Variants in PALLD observed in about 807,000 individuals in gnomAD.
The protein encoded by PALLD is palladin.
A neutral mutation model predicts 123.5 loss-of-function variants in PALLD; 61 were observed. The observed-to-expected ratio is 0.49, with a 90% confidence interval of 0.40 to 0.61. PALLD has a LOEUF of 0.61. PALLD is among the 20% of genes least tolerant of loss of function. The pLI is 0.00. For synonymous variants in PALLD, 465 were observed against 496.4 expected (o/e 0.94, Z 0.84); for missense variants, 1,273 against 1,377.0 (o/e 0.92, Z 1.20).
intron 2 of PALLD, among the ~76,000 whole-genome samples, chr4:168,604,023 A>G (rs1463441941): frequency 2.0e-5 from 3 of 152,230 alleles, no homozygotes; most frequent in Non-Finnish European, 1.5e-5. Context: ...TCTGGAAAAA[A>G]CTATTCTACA....
chr4:168,550,139 C>T (rs1159936722), intron 2 of PALLD, among the ~76,000 whole-genome samples: 1 of 152,170 alleles, frequency 6.6e-6, no homozygotes, highest in Non-Finnish European at 1.5e-5. Context: ...TCAGCAAATA[C>T]TTAGGATAAC....
At chr4:168,561,725 C>G (rs1767887952) in intron 2 of PALLD, among the ~76,000 whole-genome samples, 1 of 151,956 alleles carries the variant, frequency 6.6e-6, no homozygotes, top group African/African-American at 2.4e-5. Context: ...TTTTTCTAAC[C>G]CTTTAAAGAG....
intron 10 of PALLD, among the ~76,000 whole-genome samples, chr4:168,822,290 G>T (rs1231137216): frequency 6.6e-6 from 1 of 151,848 alleles, no homozygotes; most frequent in Non-Finnish European, 1.5e-5. Context: ...GGAGGGGGTG[G>T]GGTGGGGAGG....
chr4:168,694,562 C>G (rs1159677022), intron 8 of PALLD, among the ~76,000 whole-genome samples: 1 of 151,936 alleles, frequency 6.6e-6, no homozygotes, highest in Non-Finnish European at 1.5e-5. Flanking sequence ...CTTCTCTTTA[C>G]TCTCTTCCTT....
At chr4:168,508,797 C>T (rs1762262085) in intron 1 of PALLD, among the ~76,000 whole-genome samples, 1 of 151,964 alleles carries the variant, frequency 6.6e-6, no homozygotes, top group Non-Finnish European at 1.5e-5. Context: ...CCCTCTCCAC[C>T]TTCATGTCTC....
intron 17 of PALLD, among the ~76,000 whole-genome samples, chr4:168,918,068 A>G (rs1196704816): frequency 6.6e-6 from 1 of 151,952 alleles, no homozygotes; most frequent in African/African-American, 2.4e-5. Flanking sequence ...GTGTGGTGGC[A>G]TGCATCTGTA....
intron 1 of PALLD, among the ~76,000 whole-genome samples, chr4:168,498,674 A>T (rs1761012214): frequency 6.6e-6 from 1 of 152,210 alleles, no homozygotes; most frequent in Admixed American, 6.5e-5. Context: ...AGCAAAGAAA[A>T]CAAAGATTGA....
chr4:168,683,198 C>A, intron 5 of PALLD, 95 bp downstream of exon 5: 1 of 656,258 alleles, frequency 1.5e-6, no homozygotes, highest in Non-Finnish European at 2.7e-6. Context: ...CTAGTATACT[C>A]CCTTGAAATA....
At chr4:168,692,064 AAAAC>A (rs754812932) in intron 8 of PALLD, among the ~76,000 whole-genome samples, 7 of 152,180 alleles carry the variant, frequency 4.6e-5, no homozygotes, top group Non-Finnish European at 1.0e-4. Context: ...AAAGGGTAGA[AAAAC>A]AAGTCATTTT....
At chr4:168,761,645 G>GTTTTTTTTTGTTTTTTT (rs1732875430) in intron 10 of PALLD, among the ~76,000 whole-genome samples, 1 of 88,024 alleles carries the variant, frequency 1.1e-5, no homozygotes, top group Non-Finnish European at 2.2e-5. Flanking sequence ...GTTGTTGTTT[G>GTTTTTTTTTGTTTTTTT]TTTTTTTTTT....
intron 2 of PALLD, among the ~76,000 whole-genome samples, chr4:168,646,711 A>G (rs1777492146): frequency 6.6e-6 from 1 of 152,202 alleles, no homozygotes; most frequent in Non-Finnish European, 1.5e-5. Context: ...CCAAGCAATG[A>G]TTACAGAAAC....
chr4:168,531,908 T>A (rs1214483537), intron 2 of PALLD, among the ~76,000 whole-genome samples: 1 of 152,190 alleles, frequency 6.6e-6, no homozygotes, highest in Non-Finnish European at 1.5e-5. Context: ...TTTTCTTTTT[T>A]TAAAGATTTT....
At chr4:168,539,274 T>C (rs1313310662) in intron 2 of PALLD, among the ~76,000 whole-genome samples, 1 of 152,130 alleles carries the variant, frequency 6.6e-6, no homozygotes, top group Non-Finnish European at 1.5e-5. Context: ...AGACCCCACG[T>C]CAAGGGGTTT....
At chr4:168,685,211 T>C (rs1047557700) in intron 5 of PALLD, among the ~76,000 whole-genome samples, 8 of 152,184 alleles carry the variant, frequency 5.3e-5, no homozygotes, top group Non-Finnish European at 8.8e-5. Context: ...CAGAAATCCA[T>C]TTGGTAATAG....
rs146006378 is a variant in PALLD at position 168,731,612 on chromosome 4, C to T, written c.1964+19689C>T. Among the ~76,000 whole-genome samples, 558 of 152,302 alleles carry T rather than the reference C, an allele frequency of 3.7e-3. 4 individuals are homozygous for T. The highest frequency in any genetic ancestry group is 0.013 in the African/African-American group (532 of 41,570). ...TCACAATGAATCCTTTGTTATTTGA[C>T]GCACATATAGAAAGTTTCAGAAATA... On this transcript the variant is annotated intron_variant, in intron 10 of 21. Transcript: ENST00000505667.
intron 2 of PALLD, among the ~76,000 whole-genome samples, chr4:168,600,091 GCATGTGTATGCACACAT>G (rs1772465237): frequency 7.5e-6 from 1 of 133,792 alleles, no homozygotes; most frequent in Admixed American, 7.7e-5. Context: ...ATATATACAT[GCATGTGTATGCACACAT>G]ATATATACAT....
intron 2 of PALLD, among the ~76,000 whole-genome samples, chr4:168,550,598 G>A (rs548291269): frequency 1.8e-4 from 23 of 129,828 alleles, no homozygotes; most frequent in Admixed American, 1.1e-3. Flanking sequence ...GAGTCTCCCC[G>A]TGCCCAGTGC....
rs533591726 is a variant in PALLD, at chr4:168,636,273, G to A, written c.909-31917G>A. ...AGGCCAAGGCAGGAAGATCACTTGA[G>A]GCCAGGAGTTCTGACACCAGCCTGG... On this transcript the variant is annotated intron_variant, in intron 2 of 21. Coordinates refer to ENST00000505667, the MANE Select transcript of PALLD (RefSeq NM_001166108.2). 3.3e-5 allele frequency among the ~76,000 whole-genome samples: 5 copies of A among 152,264 alleles called. No individual in the cohort carries two copies. The East Asian group carries it at 9.7e-4, about 29-fold the overall frequency.
intron 10 of PALLD, among the ~76,000 whole-genome samples, chr4:168,785,629 A>G (rs1031913065): frequency 6.6e-6 from 1 of 151,282 alleles, no homozygotes; most frequent in South Asian, 2.1e-4. Flanking sequence ...GTCCTTCCTC[A>G]TTTGCAAACC....
Sources: gnomAD v4.1 joint callset for allele counts (sites outside exome capture counted in the v4.1 genomes callset) on GRCh38, gnomAD v4.1.1 for gene constraint, MANE v1.5 for transcripts, NCBI Gene and HGNC (gene_info 2026-07-23, HGNC 2026-07-21) for gene names.